Variants in MICU1 observed in about 807,000 individuals in gnomAD.
MICU1 encodes mitochondrial calcium uptake 1.
MICU1 carries 45 observed loss-of-function variants against 56.8 expected under a neutral mutation model. That is an observed-to-expected ratio of 0.79 (90% confidence interval 0.62 to 1.02). The LOEUF (loss-of-function observed/expected upper bound fraction) is 1.02. Ranked by LOEUF, MICU1 falls within the 50% of genes least tolerant of loss-of-function variation. The pLI, the probability that MICU1 is intolerant of heterozygous loss-of-function variation, is 0.00. For synonymous variants in MICU1, 186 were observed against 195.1 expected, an observed-to-expected ratio of 0.95 and a Z score of 0.39; for missense variants, 504 against 587.1, an observed-to-expected ratio of 0.86 and a Z score of 1.46.
At chr10:72,577,432 C>G (rs1469839040) in intron 1 of MICU1, among the ~76,000 whole-genome samples, 1 of 151,712 alleles carries the variant, frequency 6.6e-6, no homozygotes, top group African/African-American at 2.4e-5. Flanking sequence ...TTGCTTGAAC[C>G]CGGGAGGCGG....
intron 8 of MICU1, among the ~76,000 whole-genome samples, chr10:72,470,344 C>T (rs1014876527): frequency 6.6e-6 from 1 of 152,172 alleles, no homozygotes; most frequent in African/African-American, 2.4e-5. Flanking sequence ...GGTACTTATT[C>T]TACTGGACGT....
intron 8 of MICU1, among the ~76,000 whole-genome samples, chr10:72,461,898 C>T (rs1414328107): frequency 2.6e-5 from 4 of 152,086 alleles, no homozygotes; most frequent in South Asian, 2.1e-4. Flanking sequence ...TGCAGTGAGC[C>T]GAGATCATGT....
intron 1 of MICU1, among the ~76,000 whole-genome samples, chr10:72,569,381 C>T (rs1440061717): frequency 6.6e-6 from 1 of 150,388 alleles, no homozygotes; most frequent in Non-Finnish European, 1.5e-5. Context: ...ACTACAGGCA[C>T]ATACCATGAT....
At chr10:72,471,253 T>G (rs1320954736) in intron 8 of MICU1, among the ~76,000 whole-genome samples, 1 of 152,210 alleles carries the variant, frequency 6.6e-6, no homozygotes, top group Non-Finnish European at 1.5e-5. Context: ...CCCAGCTAGT[T>G]TTTTGTATTG....
chr10:72,453,056 G>A (rs770087160), intron 8 of MICU1, among the ~76,000 whole-genome samples: 2 of 152,182 alleles, frequency 1.3e-5, no homozygotes, highest in Non-Finnish European at 2.9e-5. Flanking sequence ...AGTTGACAAA[G>A]TGTGTGTAAA....
intron 1 of MICU1, among the ~76,000 whole-genome samples, chr10:72,594,924 C>A (rs1206205198): frequency 4.3e-5 from 1 of 23,076 alleles, no homozygotes; most frequent in African/African-American, 2.9e-4. Context: ...AAAGTACAAT[C>A]CAAAAAAAAA....
In MICU1 at chr10:72,567,674, T is replaced by C. The variant is rs115539271; in HGVS notation, c.-1-880A>G. Reference sequence around the variant, plus strand: ...TCGCGATGCCAGGGGAAGCCACCCATGGGGAGGCAGTTTCACTAGGAAATT... The same window carrying C: ...TCGCGATGCCAGGGGAAGCCACCCACGGGGAGGCAGTTTCACTAGGAAATT... On this transcript the variant is annotated intron_variant, in intron 1 of 11. Transcript: ENST00000361114. Among the ~76,000 whole-genome samples the C allele has an allele frequency of 4.7e-3, 720 of 152,234 alleles. 4 individuals are homozygous for C. The highest frequency in any genetic ancestry group is 0.017 in the African/African-American group (693 of 41,518).
intron 1 of MICU1, among the ~76,000 whole-genome samples, chr10:72,605,207 C>A (rs550869834): frequency 6.6e-6 from 1 of 152,120 alleles, no homozygotes; most frequent in East Asian, 1.9e-4. Context: ...CTAATTATAA[C>A]GCATTAGCAT....
At position 72,502,321 on chromosome 10, in the gene MICU1, A is replaced by G. The variant is rs934898821; in HGVS notation, c.652+5834T>C. On this transcript the variant is annotated intron_variant, in intron 6 of 11. Coordinates refer to ENST00000361114, the MANE Select transcript of MICU1 (RefSeq NM_001195518.2). Reference sequence around the variant, plus strand: ...AGGTATGTACCACCATGCCCGGCTAATTTTTGTATTTTTTAGTGGAGATGG... The same window carrying G: ...AGGTATGTACCACCATGCCCGGCTAGTTTTTGTATTTTTTAGTGGAGATGG... Among the ~76,000 whole-genome samples, 10 of 151,914 alleles carry G rather than the reference A, an allele frequency of 6.6e-5. No individual in the cohort carries two copies. The East Asian group carries it at 1.4e-3, about 21-fold the overall frequency.
intron 6 of MICU1, among the ~76,000 whole-genome samples, chr10:72,494,251 G>C (rs1442651709): frequency 6.6e-6 from 1 of 152,146 alleles, no homozygotes; most frequent in Non-Finnish European, 1.5e-5. Context: ...TCTTAGACAA[G>C]CCCATGCCCT....
chr10:72,622,644 T>C (rs1842132346), intron 1 of MICU1, among the ~76,000 whole-genome samples: 1 of 152,172 alleles, frequency 6.6e-6, no homozygotes, highest in Non-Finnish European at 1.5e-5. Context: ...AAGCCTTACT[T>C]TTCCACACTG....
intron 5 of MICU1, among the ~76,000 whole-genome samples, chr10:72,511,311 TG>T (rs1265571830): frequency 6.6e-6 from 1 of 152,148 alleles, no homozygotes; most frequent in Non-Finnish European, 1.5e-5. Flanking sequence ...AAATACACAC[TG>T]AACACCATAA....
intron 1 of MICU1, among the ~76,000 whole-genome samples, chr10:72,585,212 G>A (rs1197068743): frequency 1.3e-5 from 2 of 151,034 alleles, no homozygotes; most frequent in South Asian, 2.1e-4. Context: ...TCAGCCTCCC[G>A]AGCAGCTGGG....
intron 4 of MICU1, among the ~76,000 whole-genome samples, chr10:72,548,995 C>A (rs1839963546): frequency 6.6e-6 from 1 of 152,108 alleles, no homozygotes; most frequent in African/African-American, 2.4e-5. Flanking sequence ...CCGCACCTGG[C>A]CAACAACCAA....
intron 1 of MICU1, among the ~76,000 whole-genome samples, chr10:72,567,741 C>A (rs929449783): frequency 1.3e-5 from 2 of 152,082 alleles, no homozygotes; most frequent in South Asian, 4.1e-4. Flanking sequence ...GAGCTGGGTG[C>A]CATTGAGTGT....
chr10:72,566,039 CTTTTT>C (rs11376019), intron 2 of MICU1, among the ~76,000 whole-genome samples: 51 of 69,832 alleles, frequency 7.3e-4, no homozygotes, highest in African/African-American at 2.5e-3. Flanking sequence ...CATTCATTTT[CTTTTT>C]TTTTTTTTTT....
intron 8 of MICU1, among the ~76,000 whole-genome samples, chr10:72,450,728 T>C (rs1184976501): frequency 1.8e-5 from 1 of 54,316 alleles, no homozygotes; most frequent in Non-Finnish European, 1.1e-4. Flanking sequence ...TTTTAATTCT[T>C]TTTTTTTTTT....
At chr10:72,525,057 T>C (rs182154708) in intron 5 of MICU1, among the ~76,000 whole-genome samples, 19 of 152,196 alleles carry the variant, frequency 1.2e-4, no homozygotes, top group African/African-American at 4.3e-4. Context: ...TTCAGATAAT[T>C]AGTAACTACT....
intron 6 of MICU1, among the ~76,000 whole-genome samples, chr10:72,502,573 GTAACAGATGAATGCATA>G (rs1867115184): frequency 6.6e-6 from 1 of 152,202 alleles, no homozygotes; most frequent in Non-Finnish European, 1.5e-5. Flanking sequence ...ATCCATCAGA[GTAACAGATGAATGCATA>G]TGCTAATGTA....
Sources: gnomAD v4.1 joint callset for allele counts (sites outside exome capture counted in the v4.1 genomes callset) on GRCh38, gnomAD v4.1.1 for gene constraint, MANE v1.5 for transcripts, NCBI Gene and HGNC (gene_info 2026-07-23, HGNC 2026-07-21) for gene names.